Variants in SLAMF6 observed in about 807,000 individuals in gnomAD.
SLAMF6 encodes SLAM family member 6, also known as NK-T-B-antigen.
In SLAMF6, 21 loss-of-function variants were observed where a neutral mutation model predicts 38.3. The ratio of observed to expected loss-of-function variants is 0.55; its 90% CI spans 0.39 to 0.79. SLAMF6 has a LOEUF of 0.79. Ranked by LOEUF, SLAMF6 falls within the 30% of genes least tolerant of loss-of-function variation. SLAMF6 has a pLI of 0.00. For synonymous variants in SLAMF6, 152 were observed against 146.3 expected, an observed-to-expected ratio of 1.04 and a Z score of -0.28; for missense variants, 341 against 385.3, an observed-to-expected ratio of 0.89 and a Z score of 0.96.
intron 2 of SLAMF6, among the ~76,000 whole-genome samples, chr1:160,491,887 G>A (rs1653323362): frequency 6.6e-6 from 1 of 152,154 alleles, no homozygotes; most frequent in South Asian, 2.1e-4. Context: ...TGGGGAATTT[G>A]AATCTATGGG....
chr1:160,501,612 A>G (rs1653897702), intron 1 of SLAMF6, among the ~76,000 whole-genome samples: 1 of 152,128 alleles, frequency 6.6e-6, no homozygotes, highest in South Asian at 2.1e-4. Flanking sequence ...AACAGTTCAC[A>G]GGAGATGACA....
chr1:160,503,480 T>C (rs6700440), intron 1 of SLAMF6, among the ~76,000 whole-genome samples: 126,070 of 151,964 alleles, frequency 0.83, 53,207 homozygotes, highest in Non-Finnish European at 0.92. Flanking sequence ...ATTATAGCAC[T>C]TGTAGCCCAG....
intron 1 of SLAMF6, among the ~76,000 whole-genome samples, chr1:160,510,862 G>C (rs1654435966): frequency 6.6e-6 from 1 of 152,210 alleles, no homozygotes; most frequent in East Asian, 1.9e-4. Flanking sequence ...AAAATGATCA[G>C]AGCTAATAAA....
At chr1:160,495,687 G>A (rs186524434) in intron 2 of SLAMF6, among the ~76,000 whole-genome samples, 127 of 152,326 alleles carry the variant, frequency 8.3e-4, no homozygotes, top group African/African-American at 2.9e-3. Context: ...CACTGTGACT[G>A]AGGCTGTGCC....
intron 1 of SLAMF6, among the ~76,000 whole-genome samples, chr1:160,511,975 C>G (rs1440059937): frequency 6.6e-6 from 1 of 152,178 alleles, no homozygotes; most frequent in Admixed American, 6.5e-5. Context: ...GGAAACCATG[C>G]TTTTTCCATG....
At position 160,496,074 on chromosome 1, in the gene SLAMF6, A is replaced by G. The variant is rs1653560155; in HGVS notation, c.369T>C (p.Thr123=). ...ATTTTGACTTACTTAATATCCTCAG[A>G]GTGTAACTGGACAGCTTTGCAGAGG... is the stretch of plus-strand genomic sequence containing the variant. The part of the protein sequence containing the change: ...TKTSAKLSSY[T]LRILRQLRNI... The change falls in exon 2 of 8, where the codon ACT becomes ACC. Residue 123 remains threonine, a synonymous_variant. Coordinates refer to ENST00000368057, the MANE Select transcript of SLAMF6 (RefSeq NM_001184714.2). The G allele has an allele frequency of 6.2e-7, 1 of 1,612,404 alleles. No homozygotes were observed. Among genetic ancestry groups the G allele is most frequent in the Non-Finnish European group, 8.5e-7 (1 of 1,179,006 alleles).
chr1:160,496,373 T>C lies in SLAMF6; in HGVS notation c.70A>G (p.Ser24Gly). Residue 24 changes from serine (S) to glycine (G), a missense_variant, in exon 2 of 8, where the codon AGC (serine) becomes GGC (glycine). Transcript: ENST00000368057. ...FGPGNVVSQSSLTPLMVNGIL... is the reference protein window; with the variant it reads ...FGPGNVVSQSGLTPLMVNGIL... ...CCGTTCACCATCAATGGGGTTAAGC[T>C]GCTTTGTGAAACTACATTCCCTGTA... is the stretch of plus-strand genomic sequence containing the variant. 1 of 1,613,228 alleles carries C rather than the reference T, an allele frequency of 6.2e-7. No homozygotes were observed. The highest frequency in any genetic ancestry group is 8.5e-7 in the Non-Finnish European group (1 of 1,179,358).
chr1:160,490,848 TG>T, intron 3 of SLAMF6, 163 bp from the exon 4 acceptor site: 1 of 668,478 alleles, frequency 1.5e-6, no homozygotes, highest in Non-Finnish European at 1.8e-6. Flanking sequence ...CAGGGGAGGG[TG>T]GGGCCCAGTG....
intron 1 of SLAMF6, among the ~76,000 whole-genome samples, chr1:160,499,334 G>A (rs553234993): frequency 3.3e-5 from 5 of 152,216 alleles, no homozygotes; most frequent in African/African-American, 7.2e-5. Context: ...CCCATTGCTC[G>A]CTTTTGTTGG....
chr1:160,521,544 A>G (rs1654985458), intron 1 of SLAMF6, among the ~76,000 whole-genome samples: 1 of 152,194 alleles, frequency 6.6e-6, no homozygotes, highest in Admixed American at 6.5e-5. Context: ...TGGCTCTTGA[A>G]TGAAGGAAAG....
In SLAMF6 at chr1:160,523,128, C is replaced by A. The variant is rs1346931614; in HGVS notation, c.49+16G>T. The A allele has an allele frequency of 6.2e-7, 1 of 1,613,608 alleles. No individual in the cohort carries two copies. Among genetic ancestry groups the A allele is most frequent in the Non-Finnish European group, 8.5e-7 (1 of 1,179,796 alleles). On this transcript the variant is annotated intron_variant, in intron 1 of 7. Transcript: ENST00000368057. The stretch of plus-strand genomic sequence containing the variant: ...GGAGTCACTCAGTGACTACACCGAT[C>A]TGGATTGACATTTACCTGGGCCAAA...
rs1653560390 is a variant in SLAMF6, at chr1:160,496,075, G to A, written c.368C>T (p.Thr123Ile). The change falls in exon 2 of 8, where the codon ACT becomes ATT. Residue 123 changes from threonine (T) to isoleucine (I), a missense_variant. Transcript: ENST00000368057. ...TTTTGACTTACTTAATATCCTCAGA[G>A]TGTAACTGGACAGCTTTGCAGAGGT... Reference protein sequence around the residue: ...TKTSAKLSSYTLRILRQLRNI... With the variant: ...TKTSAKLSSYILRILRQLRNI... The A allele has an allele frequency of 1.9e-6, 3 of 1,612,614 alleles. No homozygotes were observed.
intron 1 of SLAMF6, among the ~76,000 whole-genome samples, chr1:160,512,835 G>C (rs1168032328): frequency 6.6e-6 from 1 of 152,134 alleles, no homozygotes; most frequent in African/African-American, 2.4e-5. Flanking sequence ...CAACAAAAAA[G>C]TCCCCACAAA....
At chr1:160,502,001 G>A (rs567253372) in intron 1 of SLAMF6, among the ~76,000 whole-genome samples, 5 of 152,116 alleles carry the variant, frequency 3.3e-5, no homozygotes, top group African/African-American at 1.2e-4. Context: ...AGATGCTACT[G>A]AAAATGTTTA....
intron 1 of SLAMF6, among the ~76,000 whole-genome samples, chr1:160,507,307 C>A (rs2102050430): frequency 6.6e-6 from 1 of 152,194 alleles, no homozygotes; most frequent in South Asian, 2.1e-4. Flanking sequence ...GGACATTATA[C>A]ATTAATAAAA....
intron 1 of SLAMF6, among the ~76,000 whole-genome samples, chr1:160,502,395 G>T (rs1184081478): frequency 6.6e-6 from 1 of 152,164 alleles, no homozygotes; most frequent in Non-Finnish European, 1.5e-5. Context: ...CCATCCACTG[G>T]TGAGGATGTC....
chr1:160,504,017 C>CAAAAAA lies in SLAMF6; in HGVS notation c.50-7630_50-7625dup, dbSNP rs10648306. ...TGGGTGACAGAGTGAGACTCTATCTCAAAAAAAAAAAAAAAAAGCAAAAGA... is the reference window on the plus strand; with the variant it reads ...TGGGTGACAGAGTGAGACTCTATCTCAAAAAAAAAAAAAAAAAAAAAAAGCAAAAGA... On this transcript the variant is annotated intron_variant, in intron 1 of 7. Transcript: ENST00000368057. Among the ~76,000 whole-genome samples the CAAAAAA allele has an allele frequency of 9.3e-4, 81 of 86,690 alleles. 1 individual carries two copies. The highest frequency in any genetic ancestry group is 3.8e-3 in the African/African-American group (74 of 19,358). The allele number at this position is 86,690 out of a possible 152,430, so 56.9% of individuals were successfully genotyped here.
At chr1:160,513,898 A>G (rs757894557) in intron 1 of SLAMF6, among the ~76,000 whole-genome samples, 7 of 152,206 alleles carry the variant, frequency 4.6e-5, no homozygotes, top group African/African-American at 1.2e-4. Flanking sequence ...ATTATCAGCC[A>G]CTACAAAACA....
intron 1 of SLAMF6, among the ~76,000 whole-genome samples, chr1:160,508,311 A>G (rs941664280): frequency 3.3e-5 from 5 of 152,222 alleles, no homozygotes; most frequent in African/African-American, 9.6e-5. Flanking sequence ...CAAAACATAT[A>G]TATAGATCAG....
Sources: allele counts gnomAD v4.1 joint callset (sites outside exome capture counted in the v4.1 genomes callset), GRCh38; gene constraint gnomAD v4.1.1; transcripts MANE v1.5; gene names NCBI Gene and HGNC (gene_info 2026-07-23, HGNC 2026-07-21).